The following CDK14 variants were observed in gnomAD, a reference collection of about 807,000 sequenced individuals.
The protein encoded by CDK14 is cyclin-dependent kinase 14.
CDK14 carries 34 observed loss-of-function variants against 60.7 expected under a neutral mutation model. The ratio of observed to expected loss-of-function variants is 0.56; its 90% CI spans 0.43 to 0.75. CDK14 has a LOEUF of 0.75. Among genes scored for constraint, CDK14 ranks in the 30% least tolerant of loss-of-function variants. The pLI is 0.00. For synonymous variants in CDK14, 197 were observed against 203.7 expected (o/e 0.97, Z 0.28); for missense variants, 482 against 564.1 (o/e 0.85, Z 1.47).
intron 4 of CDK14, among the ~76,000 whole-genome samples, chr7:90,762,096 T>C (rs1804339631): frequency 6.6e-6 from 1 of 152,034 alleles, no homozygotes; most frequent in Non-Finnish European, 1.5e-5. Context: ...TAAATATACA[T>C]TGGATGGATG....
chr7:91,084,274 T>C (rs1193768839), intron 12 of CDK14, among the ~76,000 whole-genome samples: 1 of 152,220 alleles, frequency 6.6e-6, no homozygotes, highest in Non-Finnish European at 1.5e-5. Context: ...ATATCTCTTC[T>C]GGGACCTGAT....
intron 6 of CDK14, among the ~76,000 whole-genome samples, chr7:90,879,177 T>G (rs1396087010): frequency 6.6e-6 from 1 of 152,234 alleles, no homozygotes; most frequent in African/African-American, 2.4e-5. Context: ...GAGCCGATGC[T>G]ACCATGTATT....
chr7:90,941,598 A>G, intron 8 of CDK14, among the ~76,000 whole-genome samples: 1 of 151,570 alleles, frequency 6.6e-6, no homozygotes, highest in East Asian at 1.9e-4. Context: ...ACAGGTGCAT[A>G]CTGCCAAACC....
chr7:90,904,984 C>A (rs1792646911), intron 7 of CDK14, among the ~76,000 whole-genome samples: 2 of 152,088 alleles, frequency 1.3e-5, no homozygotes, highest in South Asian at 2.1e-4. Context: ...GTAAAATTAC[C>A]ATTTTCAGAT....
chr7:90,758,171 C>T (rs1014204907), intron 4 of CDK14, among the ~76,000 whole-genome samples: 3 of 152,164 alleles, frequency 2.0e-5, no homozygotes, highest in African/African-American at 4.8e-5. Flanking sequence ...TTTGAACTTA[C>T]CACATTCTCA....
At chr7:90,899,488 C>T (rs187569768) in intron 7 of CDK14, 135 bp downstream of exon 7, 214 of 501,208 alleles carry the variant, frequency 4.3e-4, no homozygotes, top group African/African-American at 3.8e-3. Flanking sequence ...TTGAGGTGAA[C>T]CAGTCATTGC....
chr7:90,688,112 A>T (rs1473123929), intron 2 of CDK14, among the ~76,000 whole-genome samples: 1 of 152,190 alleles, frequency 6.6e-6, no homozygotes, highest in Admixed American at 6.6e-5. Context: ...GCTCTAAGGG[A>T]AGTATTAGGG....
chr7:90,620,982 GGGTTTGTATGCCA>G (rs1433070570), intron 2 of CDK14, among the ~76,000 whole-genome samples: 1 of 152,176 alleles, frequency 6.6e-6, no homozygotes, highest in Non-Finnish European at 1.5e-5. Flanking sequence ...TCCACTGGTG[GGGTTTGTATGCCA>G]GGTGGTTTTT....
At chr7:90,997,332 C>T (rs555287104) in intron 10 of CDK14, among the ~76,000 whole-genome samples, 1 of 152,160 alleles carries the variant, frequency 6.6e-6, no homozygotes, top group Admixed American at 6.5e-5. Context: ...TTGCAGAGGC[C>T]AAGGACATTT....
At chr7:90,718,757 A>T (rs1802339878) in intron 2 of CDK14, among the ~76,000 whole-genome samples, 1 of 152,146 alleles carries the variant, frequency 6.6e-6, no homozygotes, top group Admixed American at 6.6e-5. Context: ...TTAGGGAGAA[A>T]ATAGAGAAGA....
intron 2 of CDK14, among the ~76,000 whole-genome samples, chr7:90,624,927 A>G (rs1215367864): frequency 6.6e-6 from 1 of 152,162 alleles, no homozygotes; most frequent in African/African-American, 2.4e-5. Flanking sequence ...GAAGCTTAAC[A>G]TCTCGATGCC....
At chr7:90,814,526 T>C (rs1192571991) in intron 5 of CDK14, among the ~76,000 whole-genome samples, 1 of 152,206 alleles carries the variant, frequency 6.6e-6, no homozygotes, top group Non-Finnish European at 1.5e-5. Flanking sequence ...CTCAATCCTG[T>C]AATCCCAGCA....
At chr7:90,838,404 C>A (rs57405016) in intron 5 of CDK14, among the ~76,000 whole-genome samples, 1,665 of 152,114 alleles carry the variant, frequency 0.011, 29 homozygotes, top group African/African-American at 0.038. Flanking sequence ...AATCAGTGCA[C>A]CCTGAAAAAG....
chr7:90,834,344 G>C (rs186420208), intron 5 of CDK14, among the ~76,000 whole-genome samples: 1 of 152,206 alleles, frequency 6.6e-6, no homozygotes, highest in Non-Finnish European at 1.5e-5. Context: ...AACAATGGGA[G>C]TATGTCAGAC....
intron 11 of CDK14, among the ~76,000 whole-genome samples, chr7:91,066,575 GC>G (rs3840671): frequency 0.37 from 56,671 of 151,978 alleles, 11,663 homozygotes; most frequent in East Asian, 0.8. Context: ...AGTGTACACT[GC>G]ATGCTTATAT....
chr7:90,991,942 A>G (rs2115694599), intron 10 of CDK14, among the ~76,000 whole-genome samples: 1 of 152,338 alleles, frequency 6.6e-6, no homozygotes, highest in South Asian at 2.1e-4. Context: ...GACTAATAAC[A>G]TCTTAAGGTC....
chr7:90,962,726 C>T (rs1363444831), intron 9 of CDK14, among the ~76,000 whole-genome samples: 1 of 152,116 alleles, frequency 6.6e-6, no homozygotes, highest in African/African-American at 2.4e-5. Context: ...AATTGGCTAT[C>T]CACAAACTGG....
At chr7:90,949,365 C>A (rs1794189546) in intron 8 of CDK14, among the ~76,000 whole-genome samples, 2 of 151,800 alleles carry the variant, frequency 1.3e-5, no homozygotes, top group Admixed American at 1.3e-4. Context: ...CACACTTGGC[C>A]AATTTTTTGT....
intron 2 of CDK14, among the ~76,000 whole-genome samples, chr7:90,681,431 C>T (rs1801315214): frequency 1.3e-5 from 2 of 152,130 alleles, no homozygotes; most frequent in South Asian, 2.1e-4. Context: ...TAACTGACCT[C>T]CATTTAACAG....
Sources: allele counts gnomAD v4.1 joint callset (sites outside exome capture counted in the v4.1 genomes callset), GRCh38; gene constraint gnomAD v4.1.1; transcripts MANE v1.5; gene names NCBI Gene and HGNC (gene_info 2026-07-23, HGNC 2026-07-21).